Variants in SENP7 observed in about 807,000 individuals in gnomAD.
SENP7 encodes the protein sentrin-specific protease 7.
A neutral mutation model predicts 141.2 loss-of-function variants in SENP7; 64 were observed. That is an observed-to-expected ratio of 0.45 (90% CI 0.37 to 0.56). SENP7 has a LOEUF of 0.56. SENP7 is among the 20% of genes least tolerant of loss of function. SENP7 has a pLI of 0.00. For missense variants in SENP7, 1,025 were observed against 1,212.2 expected, an observed-to-expected ratio of 0.85 and a Z score of 2.29; for synonymous variants, 382 against 426.4, an observed-to-expected ratio of 0.90 and a Z score of 1.28.
chr3:101,343,600 T>C, intron 14 of SENP7, 86 bp downstream of exon 14: 2 of 1,369,374 alleles, frequency 1.5e-6, no homozygotes, highest in Admixed American at 2.4e-5. Context: ...TCACAAAATG[T>C]AGCATTTGAA....
rs149318678 is a variant in SENP7, at chr3:101,498,751, C to T, written c.90+2319G>A. Among the ~76,000 whole-genome samples the T allele has an allele frequency of 9.3e-4, 141 of 152,266 alleles. No individual in the cohort carries two copies. In the East Asian group the frequency reaches 0.011, roughly 11 times the overall value. Reference sequence around the variant, plus strand: ...ACAACACAGCAGGAGGCGAGCAGCACGGGAGAATTAGGGCCTGCACTACCC... The same window carrying T: ...ACAACACAGCAGGAGGCGAGCAGCATGGGAGAATTAGGGCCTGCACTACCC... On this transcript the variant is annotated intron_variant, in intron 2 of 23. Transcript: ENST00000394095.
At chr3:101,508,460 G>A (rs987904600) in intron 1 of SENP7, among the ~76,000 whole-genome samples, 4 of 152,090 alleles carry the variant, frequency 2.6e-5, no homozygotes, top group African/African-American at 4.8e-5. Context: ...TTAGCCAGGC[G>A]TGGTGGCGGG....
At chr3:101,351,932 A>G (rs1445211806) in intron 11 of SENP7, among the ~76,000 whole-genome samples, 1 of 151,980 alleles carries the variant, frequency 6.6e-6, no homozygotes, top group African/African-American at 2.4e-5. Flanking sequence ...TGTAAAGACT[A>G]AGACAAAGCC....
At chr3:101,424,264 C>G (rs1176463266) in intron 4 of SENP7, among the ~76,000 whole-genome samples, 1 of 152,132 alleles carries the variant, frequency 6.6e-6, no homozygotes, top group South Asian at 2.1e-4. Context: ...CATGCACAAG[C>G]CTGCCACTCC....
intron 1 of SENP7, among the ~76,000 whole-genome samples, chr3:101,505,090 A>AG (rs1190936635): frequency 6.6e-6 from 1 of 152,204 alleles, no homozygotes; most frequent in Non-Finnish European, 1.5e-5. Context: ...AGAAAAAAAA[A>AG]GAACTCAGAA....
At chr3:101,477,000 T>C (rs9999602) in intron 3 of SENP7, among the ~76,000 whole-genome samples, 60,329 of 151,988 alleles carry the variant, frequency 0.4, 12,492 homozygotes, top group Admixed American at 0.54. Flanking sequence ...TGGATAGTAG[T>C]CCTTTGTCAG....
At chr3:101,436,982 T>C (rs2062415288) in intron 4 of SENP7, among the ~76,000 whole-genome samples, 1 of 152,216 alleles carries the variant, frequency 6.6e-6, no homozygotes, top group South Asian at 2.1e-4. Context: ...TGCCCATTAA[T>C]AGATGAATGG....
chr3:101,460,553 GAGA>G (rs2063512867), intron 3 of SENP7, among the ~76,000 whole-genome samples: 1 of 152,018 alleles, frequency 6.6e-6, no homozygotes. Flanking sequence ...TTCAAATGGA[GAGA>G]AGACCTAAAC....
intron 4 of SENP7, among the ~76,000 whole-genome samples, chr3:101,434,905 T>G (rs1347786960): frequency 1.3e-5 from 2 of 151,932 alleles, no homozygotes; most frequent in African/African-American, 4.8e-5. Context: ...AGGGAATACT[T>G]CCAAACTCAT....
At chr3:101,504,809 A>G (rs576690028) in intron 1 of SENP7, among the ~76,000 whole-genome samples, 1 of 152,312 alleles carries the variant, frequency 6.6e-6, no homozygotes, top group Non-Finnish European at 1.5e-5. Flanking sequence ...GCTTGAGCCC[A>G]GGAGTTTGGG....
chr3:101,483,343 A>G (rs1206672182), intron 3 of SENP7, among the ~76,000 whole-genome samples: 1 of 152,208 alleles, frequency 6.6e-6, no homozygotes, highest in Non-Finnish European at 1.5e-5. Context: ...AAAACAAAAT[A>G]CTACATGTTC....
intron 6 of SENP7, among the ~76,000 whole-genome samples, chr3:101,382,055 T>G (rs2060517263): frequency 6.6e-6 from 1 of 152,348 alleles, no homozygotes; most frequent in East Asian, 1.9e-4. Flanking sequence ...ATTAGAGTCT[T>G]GCAATTTAAA....
rs538187665 is a variant in SENP7 at position 101,347,983 on chromosome 3, T to C, written c.1726A>G (p.Lys576Glu). The change falls in exon 13 of 24, where the codon AAG becomes GAG. Residue 576 changes from lysine to glutamate, a missense_variant. Physicochemically the swap from Lys to Glu is moderately conservative, Grantham distance 56. Transcript: ENST00000394095. ...HLKRFGLWKS[K>E]DDNHSKRSHA... ...CTCCTTTTACTGTGATTATCATCCT[T>C]ACTTTTCCATAACCCAAACCGCTTT... 2 of 1,611,956 alleles carry C rather than the reference T, an allele frequency of 1.2e-6. No homozygotes were observed. The highest frequency in any genetic ancestry group is 2.2e-5 in the East Asian group (1 of 44,714).
intron 5 of SENP7, among the ~76,000 whole-genome samples, chr3:101,408,414 A>C (rs1250281217): frequency 6.6e-6 from 1 of 152,184 alleles, no homozygotes; most frequent in African/African-American, 2.4e-5. Context: ...GAAAGAGGGA[A>C]CCTTCCCTAA....
intron 1 of SENP7, among the ~76,000 whole-genome samples, chr3:101,509,416 T>G (rs2065759206): frequency 6.6e-6 from 1 of 152,186 alleles, no homozygotes; most frequent in Non-Finnish European, 1.5e-5. Flanking sequence ...CATGCTACTT[T>G]AACTCTCTGA....
chr3:101,450,779 C>T (rs1188269590), intron 4 of SENP7, among the ~76,000 whole-genome samples: 1 of 152,146 alleles, frequency 6.6e-6, no homozygotes, highest in Non-Finnish European at 1.5e-5. Flanking sequence ...CTAATATTGA[C>T]ACCCTGACAT....
chr3:101,439,151 C>T (rs1415038975), intron 4 of SENP7, among the ~76,000 whole-genome samples: 4 of 106,622 alleles, frequency 3.8e-5, no homozygotes, highest in East Asian at 2.7e-4. Context: ...GGCCGCCCAT[C>T]GTCTGAGATG....
intron 3 of SENP7, among the ~76,000 whole-genome samples, chr3:101,470,005 A>G (rs1473797073): frequency 1.3e-5 from 2 of 152,172 alleles, no homozygotes; most frequent in African/African-American, 4.8e-5. Flanking sequence ...GAAGGCAGAA[A>G]TAAAGATGTT....
At chr3:101,498,937 G>C (rs1302997294) in intron 2 of SENP7, among the ~76,000 whole-genome samples, 1 of 152,138 alleles carries the variant, frequency 6.6e-6, no homozygotes, top group African/African-American at 2.4e-5. Context: ...CCCGACCCCT[G>C]TCCATGGGAA....
Sources: allele counts gnomAD v4.1 joint callset (sites outside exome capture counted in the v4.1 genomes callset), GRCh38; gene constraint gnomAD v4.1.1; transcripts MANE v1.5; gene names NCBI Gene and HGNC (gene_info 2026-07-23, HGNC 2026-07-21).